HPSE2: variants seen among roughly 807,000 people sequenced by gnomAD.
The protein encoded by HPSE2 is inactive heparanase-2.
HPSE2 carries 38 observed loss-of-function variants against 60.5 expected under a neutral mutation model. That is an observed-to-expected ratio of 0.63 (90% CI 0.48 to 0.82). The LOEUF is 0.82. HPSE2 is among the 40% of genes least tolerant of loss of function. HPSE2 has a pLI of 0.00. For synonymous variants in HPSE2, 295 were observed against 293.2 expected (o/e 1.01, Z -0.06); for missense variants, 713 against 740.4 (o/e 0.96, Z 0.43).
intron 7 of HPSE2, among the ~76,000 whole-genome samples, chr10:98,621,898 G>A (rs1368546989): frequency 6.6e-6 from 1 of 152,214 alleles, no homozygotes; most frequent in African/African-American, 2.4e-5. Context: ...TCTCTACAAT[G>A]ATGGCTAGAG....
intron 2 of HPSE2, among the ~76,000 whole-genome samples, chr10:99,188,363 T>C (rs1470250754): frequency 6.6e-6 from 1 of 152,174 alleles, no homozygotes; most frequent in Non-Finnish European, 1.5e-5. Flanking sequence ...AGCTAATGAA[T>C]GAACATATTT....
intron 3 of HPSE2, among the ~76,000 whole-genome samples, chr10:99,100,485 G>A (rs1163630682): frequency 6.6e-6 from 1 of 152,184 alleles, no homozygotes; most frequent in African/African-American, 2.4e-5. Flanking sequence ...AGAAATAGGG[G>A]ACTATGTGAA....
chr10:99,227,767 T>C (rs995889780), intron 2 of HPSE2, among the ~76,000 whole-genome samples: 3 of 150,834 alleles, frequency 2.0e-5, no homozygotes, highest in African/African-American at 7.3e-5. Context: ...GGTGTCTTCC[T>C]ATAAAGAATT....
intron 2 of HPSE2, among the ~76,000 whole-genome samples, chr10:99,161,218 T>TAAAAA (rs79998038): frequency 7.5e-6 from 1 of 132,814 alleles, no homozygotes. Flanking sequence ...GAGACTCTGT[T>TAAAAA]AAAAAAAAAA....
chr10:98,892,995 T>C (rs1192251658), intron 3 of HPSE2, among the ~76,000 whole-genome samples: 4 of 152,192 alleles, frequency 2.6e-5, no homozygotes, highest in Non-Finnish European at 5.9e-5. Context: ...ATTTAATTCT[T>C]GTAAACAGTA....
chr10:98,954,523 C>T (rs995181770), intron 3 of HPSE2, among the ~76,000 whole-genome samples: 4 of 152,128 alleles, frequency 2.6e-5, no homozygotes, highest in African/African-American at 9.7e-5. Context: ...CCTTAGTTTT[C>T]CATTACTTTC....
At chr10:98,909,806 C>T (rs1251032654) in intron 3 of HPSE2, among the ~76,000 whole-genome samples, 2 of 151,626 alleles carry the variant, frequency 1.3e-5, no homozygotes, top group African/African-American at 4.8e-5. Flanking sequence ...AAAAAATAAA[C>T]AACTTAAATG....
At chr10:99,040,528 A>T (rs997541106) in intron 3 of HPSE2, among the ~76,000 whole-genome samples, 10 of 152,086 alleles carry the variant, frequency 6.6e-5, no homozygotes, top group Non-Finnish European at 1.5e-4. Context: ...TTCATCTTTT[A>T]ACTTTACATA....
chr10:98,782,884 T>C (rs548232321), intron 3 of HPSE2, among the ~76,000 whole-genome samples: 2 of 137,070 alleles, frequency 1.5e-5, no homozygotes, highest in African/African-American at 5.5e-5. Flanking sequence ...GAATAATGGG[T>C]TGAGTGGGTC....
intron 2 of HPSE2, among the ~76,000 whole-genome samples, chr10:99,147,283 C>G (rs762078380): frequency 3.3e-5 from 5 of 152,010 alleles, no homozygotes; most frequent in Non-Finnish European, 7.4e-5. Flanking sequence ...AAAGGAAGAA[C>G]TAAAAAGAAA....
At chr10:99,117,434 A>AC (rs1564820909) in intron 3 of HPSE2, among the ~76,000 whole-genome samples, 1 of 135,266 alleles carries the variant, frequency 7.4e-6, no homozygotes, top group African/African-American at 2.5e-5. Flanking sequence ...AAAAAAAAAA[A>AC]AAAAAAAAAA....
intron 7 of HPSE2, among the ~76,000 whole-genome samples, chr10:98,627,772 C>T (rs565382734): frequency 1.3e-3 from 192 of 152,280 alleles, no homozygotes; most frequent in Non-Finnish European, 2.5e-3. Context: ...TTACCTAGAC[C>T]ACTCTCCTTG....
intron 3 of HPSE2, among the ~76,000 whole-genome samples, chr10:98,876,880 C>T (rs1952891000): frequency 6.6e-6 from 1 of 151,868 alleles, no homozygotes; most frequent in East Asian, 1.9e-4. Flanking sequence ...GTTCTATTCT[C>T]AGACCAGATA....
intron 9 of HPSE2, among the ~76,000 whole-genome samples, chr10:98,531,128 G>A (rs1221938212): frequency 1.3e-5 from 2 of 152,176 alleles, no homozygotes; most frequent in African/African-American, 4.8e-5. Flanking sequence ...GGCAAAGACA[G>A]ATATTAAGTG....
At chr10:98,481,357 T>G (rs1941227746) in intron 11 of HPSE2, among the ~76,000 whole-genome samples, 2 of 152,048 alleles carry the variant, frequency 1.3e-5, no homozygotes, top group Admixed American at 6.5e-5. Flanking sequence ...TAGGATAAAA[T>G]AATTTTCCCA....
the HPSE2 span, among the ~76,000 whole-genome samples, chr10:99,291,368 G>A: frequency 1.3e-5 from 2 of 152,104 alleles, no homozygotes; most frequent in African/African-American, 2.4e-5. Flanking sequence ...GGCAGATCAC[G>A]AGGTTAAGAG....
At chr10:98,527,639 T>C (rs750402098) in intron 9 of HPSE2, among the ~76,000 whole-genome samples, 1 of 152,190 alleles carries the variant, frequency 6.6e-6, no homozygotes, top group Non-Finnish European at 1.5e-5. Context: ...CCACAATCTG[T>C]TGGAATGATC....
At chr10:98,869,136 T>C (rs1222139371) in intron 3 of HPSE2, among the ~76,000 whole-genome samples, 1 of 152,154 alleles carries the variant, frequency 6.6e-6, no homozygotes, top group Non-Finnish European at 1.5e-5. Context: ...CAACTTTCTA[T>C]ATCCTTAGTG....
intron 3 of HPSE2, among the ~76,000 whole-genome samples, chr10:98,895,347 G>T (rs1953456452): frequency 6.6e-6 from 1 of 152,084 alleles, no homozygotes; most frequent in Non-Finnish European, 1.5e-5. Flanking sequence ...CTAAGATATA[G>T]TTAGCCAGAG....
Sources: allele counts gnomAD v4.1 joint callset (sites outside exome capture counted in the v4.1 genomes callset), GRCh38; gene constraint gnomAD v4.1.1; transcripts MANE v1.5; gene names NCBI Gene and HGNC (gene_info 2026-07-23, HGNC 2026-07-21).